Variants in SIK2 observed in about 807,000 individuals in gnomAD.
The protein encoded by SIK2 is serine/threonine-protein kinase SIK2.
Under a neutral mutation model 103.2 loss-of-function variants are expected in SIK2, and 29 were observed. The observed-to-expected ratio is 0.28, with a 90% CI of 0.21 to 0.38. The LOEUF is 0.38. Ranked by LOEUF, SIK2 falls within the 10% of genes least tolerant of loss-of-function variation. SIK2 has a pLI of 1.00. For missense variants in SIK2, 879 were observed against 1,171.0 expected, an observed-to-expected ratio of 0.75 and a Z score of 3.64; for synonymous variants, 412 against 446.1, an observed-to-expected ratio of 0.92 and a Z score of 0.96.
chr11:111,723,468 A>G, intron 14 of SIK2, 28 bp from the exon 15 acceptor site: 2 of 1,555,936 alleles, frequency 1.3e-6, no homozygotes, highest in Non-Finnish European at 1.7e-6. Flanking sequence ...AAGATTTAAA[A>G]TTCTTTCCTT....
chr11:111,615,636 T>C (rs1400055722), intron 1 of SIK2, among the ~76,000 whole-genome samples: 1 of 152,234 alleles, frequency 6.6e-6, no homozygotes, highest in Non-Finnish European at 1.5e-5. Flanking sequence ...CAGAATGAAG[T>C]CACAGTTTCT....
intron 3 of SIK2, among the ~76,000 whole-genome samples, chr11:111,649,516 G>C (rs1189283358): frequency 1.3e-5 from 2 of 151,752 alleles, no homozygotes; most frequent in African/African-American, 2.4e-5. Context: ...CACTTATTAG[G>C]TACCAGGAGA....
intron 1 of SIK2, among the ~76,000 whole-genome samples, chr11:111,614,551 C>T (rs1941777361): frequency 6.6e-6 from 1 of 152,108 alleles, no homozygotes; most frequent in South Asian, 2.1e-4. Context: ...AAGGAAAATA[C>T]ATTTATTACT....
chr11:111,685,175 G>C (rs1942829429), intron 3 of SIK2, among the ~76,000 whole-genome samples: 1 of 152,194 alleles, frequency 6.6e-6, no homozygotes, highest in Non-Finnish European at 1.5e-5. Flanking sequence ...GGTTGGGGAG[G>C]ATGATTTGGG....
chr11:111,679,705 T>G (rs1942752352), intron 3 of SIK2, among the ~76,000 whole-genome samples: 1 of 152,202 alleles, frequency 6.6e-6, no homozygotes, highest in Non-Finnish European at 1.5e-5. Context: ...CATATATCAG[T>G]GTGCTAAAAA....
At position 111,712,443 on chromosome 11, in the gene SIK2, T is replaced by TTGTA. The variant is rs1436861304; in HGVS notation, c.1266+69_1266+72dup. 3 of 1,507,452 alleles carry TTGTA rather than the reference T, an allele frequency of 2.0e-6. No individual in the cohort carries two copies. In the East Asian group the frequency reaches 7.1e-5, roughly 36 times the overall value. 93.4% of individuals were successfully genotyped at this position (1,507,452 alleles called of 1,614,324 possible). A position where few individuals can be genotyped will look rare whatever the true frequency, so the allele number is the denominator to read the frequency against. ...GAGATTTCAGTTTGGTCCACAAGTG[T>TTGTA]TGTACTTTGGCTTTATTGAACTTTA... On this transcript the variant is annotated intron_variant, in intron 9 of 14. Transcript: ENST00000304987.
chr11:111,677,586 ATTTTT>A (rs11384906), intron 3 of SIK2, among the ~76,000 whole-genome samples: 1 of 110,940 alleles, frequency 9.0e-6, no homozygotes, highest in South Asian at 3.0e-4. Context: ...CCCAGCTAAA[ATTTTT>A]TTTTTTTTTT....
chr11:111,604,269 C>T (rs1941620422), intron 1 of SIK2, among the ~76,000 whole-genome samples: 1 of 152,224 alleles, frequency 6.6e-6, no homozygotes, highest in South Asian at 2.1e-4. Context: ...TAAAAGAAGG[C>T]ATTTTAAATG....
At chr11:111,704,222 C>T (rs969888133) in intron 7 of SIK2, among the ~76,000 whole-genome samples, 1 of 152,152 alleles carries the variant, frequency 6.6e-6, no homozygotes, top group Non-Finnish European at 1.5e-5. Context: ...GCATCCTGAG[C>T]AGTAGCTGGG....
rs1944157316 is a variant in SIK2 at position 111,730,601 on chromosome 11, T to C, written c.*6472T>C. On this transcript the variant is annotated 3_prime_UTR_variant, in exon 15 of 15. Transcript: ENST00000304987. Reference sequence around the variant, plus strand: ...GTTATATTTTCTGTGTGCTTTTTTTTAATTACTAAGAAAAAAATTGGTGAG... The same window carrying C: ...GTTATATTTTCTGTGTGCTTTTTTTCAATTACTAAGAAAAAAATTGGTGAG... 1 of 152,172 alleles carries C rather than the reference T, an allele frequency of 6.6e-6. No individual in the cohort carries two copies. The highest frequency in any genetic ancestry group is 2.4e-5 in the African/African-American group (1 of 41,448). The allele number at this position is 152,172 out of a possible 1,614,324, so 9.4% of individuals were successfully genotyped here. A position where few individuals can be genotyped will look rare whatever the true frequency, so the allele number is the denominator to read the frequency against.
At chr11:111,697,751 GGTGCT>G (rs1943110526) in intron 4 of SIK2, among the ~76,000 whole-genome samples, 1 of 152,116 alleles carries the variant, frequency 6.6e-6, no homozygotes, top group Non-Finnish European at 1.5e-5. Flanking sequence ...CAGCACTTTG[GGTGCT>G]GAGGCAGGAG....
chr11:111,648,755 C>T (rs1942290293), intron 3 of SIK2, among the ~76,000 whole-genome samples: 1 of 151,876 alleles, frequency 6.6e-6, no homozygotes. Context: ...TTCATTTGTA[C>T]ATTGTATGTT....
chr11:111,723,842 C>T lies in SIK2; in HGVS notation c.2494C>T (p.Pro832Ser). The change falls in exon 15 of 15, where the codon CCA becomes TCA. Residue 832 changes from proline to serine, a missense_variant. Transcript: ENST00000304987. ...GCCACCGCCACCACCCCCTCCACCA[C>T]CACGACAGCCAGGAGCTGCCCCAGC... ...QPPPPPPPPPPRQPGAAPAPL... is the reference protein window; with the variant it reads ...QPPPPPPPPPSRQPGAAPAPL... 2 of 1,613,636 alleles carry T rather than the reference C, an allele frequency of 1.2e-6. No homozygotes were observed. Among genetic ancestry groups the T allele is most frequent in the Admixed American group, 1.7e-5 (1 of 60,014 alleles).
At chr11:111,641,385 C>T (rs1427372808) in intron 3 of SIK2, among the ~76,000 whole-genome samples, 3 of 152,200 alleles carry the variant, frequency 2.0e-5, no homozygotes, top group Non-Finnish European at 4.4e-5. Flanking sequence ...TAAGCTCTTC[C>T]CATATTCAAA....
chr11:111,671,844 C>T (rs1323016493), intron 3 of SIK2: 9 of 406,772 alleles, frequency 2.2e-5, no homozygotes, highest in Non-Finnish European at 3.8e-5. Flanking sequence ...TTGATCTCAT[C>T]CTCCTACTTT....
intron 3 of SIK2, among the ~76,000 whole-genome samples, chr11:111,675,384 A>C (rs1040028889): frequency 6.6e-6 from 1 of 152,222 alleles, no homozygotes; most frequent in African/African-American, 2.4e-5. Context: ...AAATGGGAAA[A>C]GTAATGTACT....
At chr11:111,714,718 T>G (rs1943591149) in intron 9 of SIK2, among the ~76,000 whole-genome samples, 1 of 152,078 alleles carries the variant, frequency 6.6e-6, no homozygotes. Context: ...CGACCATGAG[T>G]TCAGCCAAGC....
At chr11:111,650,147 C>T (rs1942309503) in intron 3 of SIK2, among the ~76,000 whole-genome samples, 1 of 151,844 alleles carries the variant, frequency 6.6e-6, no homozygotes, top group African/African-American at 2.4e-5. Flanking sequence ...TAAAATACAG[C>T]TTAATATCCT....
rs957448245 is a variant in SIK2, at chr11:111,602,499, G to T, written c.-65G>T. 31 of 1,401,584 alleles carry T rather than the reference G, an allele frequency of 2.2e-5. No homozygotes were observed. The highest frequency in any genetic ancestry group is 2.9e-5 in the Non-Finnish European group (31 of 1,080,090). The allele number at this position is 1,401,584 out of a possible 1,614,324, so 86.8% of individuals were successfully genotyped here. A position where few individuals can be genotyped will look rare whatever the true frequency, so the allele number is the denominator to read the frequency against. On this transcript the variant is annotated 5_prime_UTR_variant, in exon 1 of 15. Transcript: ENST00000304987. The surrounding 1 kb of genome is among the most constrained non-coding windows in gnomAD (Gnocchi z 4.5). ...GCGGAGCGGCCGTCGCCCAAGCCAA[G>T]CCGCGCTGCCAACCCTCCCGCCCGC...
Sources: allele counts gnomAD v4.1 joint callset (sites outside exome capture counted in the v4.1 genomes callset), GRCh38; gene constraint gnomAD v4.1.1; non-coding constraint Gnocchi (gnomAD v3.1); transcripts MANE v1.5; gene names NCBI Gene and HGNC (gene_info 2026-07-23, HGNC 2026-07-21).